FCHSD2: variants seen among roughly 807,000 people sequenced by gnomAD.
FCHSD2 encodes FCH and double SH3 domains 2.
FCHSD2 carries 38 observed loss-of-function variants against 108.1 expected under a neutral mutation model. The observed-to-expected ratio is 0.35, with a 90% CI of 0.27 to 0.46. The LOEUF is 0.46. Among genes scored for constraint, FCHSD2 ranks in the 20% least tolerant of loss-of-function variants. FCHSD2 has a pLI of 1.00. For synonymous variants in FCHSD2, 279 were observed against 314.7 expected (o/e 0.89, Z 1.20); for missense variants, 751 against 897.8 (o/e 0.84, Z 2.09).
chr11:73,040,606 T>A (rs1308080134), intron 3 of FCHSD2, among the ~76,000 whole-genome samples: 1 of 152,222 alleles, frequency 6.6e-6, no homozygotes, highest in Admixed American at 6.5e-5. Flanking sequence ...TTTTGTTACA[T>A]AATAATTGTA....
intron 2 of FCHSD2, among the ~76,000 whole-genome samples, chr11:73,095,132 T>G (rs1445475814): frequency 6.6e-6 from 1 of 152,162 alleles, no homozygotes; most frequent in Non-Finnish European, 1.5e-5. Context: ...AAATTAGAAG[T>G]GTTCTTATTT....
intron 8 of FCHSD2, among the ~76,000 whole-genome samples, chr11:72,941,783 T>C (rs1412538683): frequency 6.6e-6 from 1 of 152,164 alleles, no homozygotes. Flanking sequence ...GGCAATCAGC[T>C]AGCCAAATGA....
At chr11:73,014,462 T>C (rs1299535701) in intron 4 of FCHSD2, among the ~76,000 whole-genome samples, 1 of 152,158 alleles carries the variant, frequency 6.6e-6, no homozygotes, top group Non-Finnish European at 1.5e-5. Flanking sequence ...ATATGCTCTA[T>C]TGCAATCATA....
Position 73,138,301 on chromosome 11 carries a change from T to A in FCHSD2, c.119+1730A>T, listed in dbSNP as rs565936733. On this transcript the variant is annotated intron_variant, in intron 2 of 19. Coordinates refer to ENST00000409418, the MANE Select transcript of FCHSD2 (RefSeq NM_014824.3). ...AGATATCAGGACACAAACTCAGGACTGTCTGACTGCAGTGTCCATATTCTT... is the reference window on the plus strand; with the variant it reads ...AGATATCAGGACACAAACTCAGGACAGTCTGACTGCAGTGTCCATATTCTT... Among the ~76,000 whole-genome samples, 3 of 152,218 alleles carry A rather than the reference T, an allele frequency of 2.0e-5. No homozygotes were observed. In the East Asian group the frequency reaches 5.8e-4, roughly 29 times the overall value.
At chr11:72,926,924 G>GA (rs1352493903) in intron 8 of FCHSD2, among the ~76,000 whole-genome samples, 1 of 152,214 alleles carries the variant, frequency 6.6e-6, no homozygotes, top group East Asian at 1.9e-4. Context: ...ATAAAAGAGT[G>GA]AAAAAAATGG....
At chr11:73,002,804 C>T (rs1473392061) in intron 4 of FCHSD2, among the ~76,000 whole-genome samples, 1 of 152,126 alleles carries the variant, frequency 6.6e-6, no homozygotes, top group Non-Finnish European at 1.5e-5. Flanking sequence ...AACCCCCAAA[C>T]TCAATCAAGT....
intron 9 of FCHSD2, among the ~76,000 whole-genome samples, chr11:72,907,649 G>T (rs983738140): frequency 2.6e-5 from 3 of 116,850 alleles, no homozygotes; most frequent in Non-Finnish European, 4.9e-5. Context: ...TTGTCTCCCA[G>T]GCACGATCTT....
chr11:72,900,191 C>T (rs1451134796), intron 10 of FCHSD2: 2 of 1,165,654 alleles, frequency 1.7e-6, no homozygotes, highest in African/African-American at 1.5e-5. Context: ...CACCAGGTCC[C>T]ACCCTTCATT....
chr11:73,105,509 T>C (rs1447362430), intron 2 of FCHSD2, among the ~76,000 whole-genome samples: 1 of 152,214 alleles, frequency 6.6e-6, no homozygotes, highest in Non-Finnish European at 1.5e-5. Flanking sequence ...GAAGAAATCA[T>C]AAGATCTAAA....
chr11:73,006,155 C>T (rs1490816002), intron 4 of FCHSD2, among the ~76,000 whole-genome samples: 1 of 151,878 alleles, frequency 6.6e-6, no homozygotes, highest in Admixed American at 6.6e-5. Flanking sequence ...CATCCTCCTG[C>T]CTTAGCCTCC....
At chr11:73,067,834 G>A (rs1208355062) in intron 3 of FCHSD2, among the ~76,000 whole-genome samples, 1 of 152,180 alleles carries the variant, frequency 6.6e-6, no homozygotes, top group African/African-American at 2.4e-5. Context: ...TGAGGTACCT[G>A]CATTAGTCCA....
intron 8 of FCHSD2, among the ~76,000 whole-genome samples, chr11:72,931,399 G>A (rs1319710304): frequency 6.8e-6 from 1 of 147,930 alleles, no homozygotes; most frequent in Non-Finnish European, 1.5e-5. Context: ...GAGCCACCAT[G>A]CCCAGCCTTA....
intron 9 of FCHSD2, among the ~76,000 whole-genome samples, chr11:72,914,139 C>T (rs1028920618): frequency 2.0e-5 from 3 of 151,988 alleles, no homozygotes; most frequent in South Asian, 2.1e-4. Flanking sequence ...CTCAGCCTCC[C>T]GAGCAGCTGG....
intron 14 of FCHSD2, among the ~76,000 whole-genome samples, chr11:72,845,053 C>T (rs1030926432): frequency 7.2e-5 from 11 of 152,134 alleles, no homozygotes; most frequent in South Asian, 4.1e-4. Context: ...AGTATCAACA[C>T]GACCAGACGT....
chr11:73,083,706 C>G lies in FCHSD2; in HGVS notation c.154G>C (p.Glu52Gln). The change falls in exon 3 of 20, where the codon GAG (glutamate) becomes CAG (glutamine). Residue 52 changes from glutamate (E) to glutamine (Q), a missense_variant. Physicochemically the swap from Glu to Gln is conservative, Grantham distance 29. Coordinates refer to ENST00000409418, the MANE Select transcript of FCHSD2 (RefSeq NM_014824.3). ...FSQKKAAIEREYAQGMQKLAS... is the reference protein window; with the variant it reads ...FSQKKAAIERQYAQGMQKLAS... ...AATTTCAAGCTTACCTGTGCATACT[C>G]TCTTTCAATAGCAGCCTTCTTCTGA... 1 of 1,546,208 alleles carries G rather than the reference C, an allele frequency of 6.5e-7. No homozygotes were observed. Among genetic ancestry groups the G allele is most frequent in the Non-Finnish European group, 8.8e-7 (1 of 1,141,806 alleles).
chr11:73,088,205 A>G (rs560024145), intron 2 of FCHSD2, among the ~76,000 whole-genome samples: 16 of 152,128 alleles, frequency 1.1e-4, no homozygotes, highest in Non-Finnish European at 1.9e-4. Flanking sequence ...TTTTTGTTGT[A>G]TCTTTCCTAC....
chr11:73,137,852 A>C (rs1316299569), intron 2 of FCHSD2, among the ~76,000 whole-genome samples: 1 of 152,236 alleles, frequency 6.6e-6, no homozygotes, highest in Non-Finnish European at 1.5e-5. Flanking sequence ...GTAGTAACTA[A>C]GCCAGGAAAG....
intron 17 of FCHSD2, 50 bp from the exon 18 acceptor site, chr11:72,841,633 A>G (rs1187385169): frequency 1.3e-6 from 2 of 1,522,778 alleles, no homozygotes; most frequent in Admixed American, 4.6e-5. Context: ...CAGGAAGGAG[A>G]GCCTGGCTGC....
Position 73,112,304 on chromosome 11 carries a change from T to C in FCHSD2, c.119+27727A>G, listed in dbSNP as rs552910164. 4.6e-5 allele frequency among the ~76,000 whole-genome samples: 7 copies of C among 152,322 alleles called. No individual in the cohort carries two copies. In the East Asian group the frequency reaches 7.7e-4, roughly 17 times the overall value. ...GATTTCCCCTTTGGCACTTTAAACA[T>C]GTCATGTCACTCTTTCCTGGTCTGT... On this transcript the variant is annotated intron_variant, in intron 2 of 19. Coordinates refer to ENST00000409418, the MANE Select transcript of FCHSD2 (RefSeq NM_014824.3).
Sources: allele counts gnomAD v4.1 joint callset (sites outside exome capture counted in the v4.1 genomes callset), GRCh38; gene constraint gnomAD v4.1.1; transcripts MANE v1.5; gene names NCBI Gene and HGNC (gene_info 2026-07-23, HGNC 2026-07-21).